Variants in RAB38 observed in about 807,000 individuals in gnomAD.
The protein encoded by RAB38 is ras-related protein Rab-38.
A neutral mutation model predicts 18.4 loss-of-function variants in RAB38; 15 were observed. That is an observed-to-expected ratio of 0.82 (90% CI 0.55 to 1.26). The LOEUF is 1.26. Among genes scored for constraint, RAB38 ranks in the 50% most tolerant of loss-of-function variants. RAB38 has a pLI of 0.00. For synonymous variants in RAB38, 101 were observed against 104.4 expected, an observed-to-expected ratio of 0.97 and a Z score of 0.20; for missense variants, 294 against 267.4, an observed-to-expected ratio of 1.10 and a Z score of -0.69.
At chr11:88,011,576 A>G in the RAB38 span, among the ~76,000 whole-genome samples, 1 of 152,224 alleles carries the variant, frequency 6.6e-6, no homozygotes, top group Non-Finnish European at 1.5e-5. Context: ...GATGACTGAA[A>G]TAGCAAGATT....
At chr11:88,086,043 T>C in the RAB38 span, among the ~76,000 whole-genome samples, 1 of 151,894 alleles carries the variant, frequency 6.6e-6, no homozygotes, top group South Asian at 2.1e-4. Context: ...GAGTAAGTGA[T>C]TTAATCTCTC....
chr11:87,957,266 A>C, the RAB38 span, among the ~76,000 whole-genome samples: 1 of 152,090 alleles, frequency 6.6e-6, no homozygotes, highest in African/African-American at 2.4e-5. Context: ...GGGATCATAC[A>C]TATTTGGATT....
At chr11:87,831,830 C>T in the RAB38 span, among the ~76,000 whole-genome samples, 1 of 152,076 alleles carries the variant, frequency 6.6e-6, no homozygotes, top group Non-Finnish European at 1.5e-5. Flanking sequence ...ATTAATGTGG[C>T]AGAAAATGGA....
the RAB38 span, among the ~76,000 whole-genome samples, chr11:87,814,513 G>A: frequency 4.6e-5 from 7 of 152,298 alleles, no homozygotes; most frequent in Admixed American, 4.6e-4. Context: ...AAGCACTAAT[G>A]TATAAGTGCT....
chr11:87,922,281 C>T, the RAB38 span, among the ~76,000 whole-genome samples: 1 of 151,974 alleles, frequency 6.6e-6, no homozygotes, highest in Non-Finnish European at 1.5e-5. Context: ...ACAATGCACA[C>T]CCTCTAACGA....
the RAB38 span, among the ~76,000 whole-genome samples, chr11:87,876,432 A>G: frequency 5.3e-5 from 8 of 151,534 alleles, no homozygotes; most frequent in Admixed American, 2.6e-4. Flanking sequence ...TTCTCCCCCA[A>G]TAAATTTTTG....
At chr11:88,134,990 C>G (rs1361582097) in intron 2 of RAB38, among the ~76,000 whole-genome samples, 1 of 152,212 alleles carries the variant, frequency 6.6e-6, no homozygotes, top group Non-Finnish European at 1.5e-5. Context: ...ATACAGCTGT[C>G]AATTCCTGCC....
chr11:87,923,100 C>G, the RAB38 span, among the ~76,000 whole-genome samples: 2 of 151,926 alleles, frequency 1.3e-5, no homozygotes, highest in Admixed American at 1.3e-4. Flanking sequence ...GGTAGCTGTT[C>G]TGTTCTCCTC....
At chr11:88,104,417 A>G in the RAB38 span, among the ~76,000 whole-genome samples, 1 of 152,178 alleles carries the variant, frequency 6.6e-6, no homozygotes, top group East Asian at 1.9e-4. Flanking sequence ...AAATATGGTC[A>G]GATAGAGGCA....
chr11:88,009,962 G>C, the RAB38 span, among the ~76,000 whole-genome samples: 1 of 151,962 alleles, frequency 6.6e-6, no homozygotes, highest in East Asian at 1.9e-4. Context: ...TCTAAACATA[G>C]GATTCATTAA....
At chr11:87,972,337 A>G in the RAB38 span, among the ~76,000 whole-genome samples, 1 of 152,108 alleles carries the variant, frequency 6.6e-6, no homozygotes, top group Non-Finnish European at 1.5e-5. Flanking sequence ...GAAACACAGT[A>G]TTGAACATGG....
At chr11:87,907,987 G>A in the RAB38 span, among the ~76,000 whole-genome samples, 2 of 151,634 alleles carry the variant, frequency 1.3e-5, no homozygotes, top group East Asian at 1.9e-4. Context: ...TGATTCTAAT[G>A]ATCAATCAAA....
At chr11:88,019,120 C>A in the RAB38 span, among the ~76,000 whole-genome samples, 1 of 151,970 alleles carries the variant, frequency 6.6e-6, no homozygotes, top group Non-Finnish European at 1.5e-5. Context: ...CCACACTATA[C>A]TCTTTTCCTA....
chr11:88,036,823 G>A, the RAB38 span, among the ~76,000 whole-genome samples: 21 of 151,912 alleles, frequency 1.4e-4, no homozygotes, highest in African/African-American at 4.8e-4. Context: ...CTTAATATGA[G>A]TCTTTAATCT....
intron 2 of RAB38, among the ~76,000 whole-genome samples, chr11:88,123,064 C>T (rs1386363897): frequency 6.6e-6 from 1 of 152,170 alleles, no homozygotes; most frequent in Non-Finnish European, 1.5e-5. Flanking sequence ...CTAAACATTA[C>T]ATAATTAGTC....
chr11:88,045,108 G>A, the RAB38 span, among the ~76,000 whole-genome samples: 1 of 152,142 alleles, frequency 6.6e-6, no homozygotes, highest in African/African-American at 2.4e-5. Flanking sequence ...CCAGTTTGTG[G>A]CTCGTTTGGC....
At chr11:88,010,020 A>G in the RAB38 span, among the ~76,000 whole-genome samples, 1 of 152,172 alleles carries the variant, frequency 6.6e-6, no homozygotes, top group Non-Finnish European at 1.5e-5. Context: ...ATTTTATATA[A>G]TATTTTTAAT....
the RAB38 span, among the ~76,000 whole-genome samples, chr11:87,840,824 C>G: frequency 1.3e-5 from 2 of 152,176 alleles, no homozygotes; most frequent in East Asian, 3.9e-4. Context: ...AAGCACTACT[C>G]TTTGTATACA....
chr11:87,855,218 G>T, the RAB38 span, among the ~76,000 whole-genome samples: 5 of 152,128 alleles, frequency 3.3e-5, no homozygotes, highest in Non-Finnish European at 7.3e-5. Flanking sequence ...TCTCTGAGCA[G>T]TCAGATTTCT....
Sources: gnomAD v4.1 joint callset for allele counts (sites outside exome capture counted in the v4.1 genomes callset) on GRCh38, gnomAD v4.1.1 for gene constraint, MANE v1.5 for transcripts, NCBI Gene and HGNC (gene_info 2026-07-23, HGNC 2026-07-21) for gene names.